Variants in COL6A3 observed in about 807,000 individuals in gnomAD.
The protein encoded by COL6A3 is collagen alpha-3(VI) chain.
Under a neutral mutation model 274.1 loss-of-function variants are expected in COL6A3, and 137 were observed. The ratio of observed to expected loss-of-function variants is 0.50; its 90% CI spans 0.44 to 0.58. The LOEUF is 0.58. COL6A3 is among the 20% of genes least tolerant of loss of function. The pLI, the probability that COL6A3 is intolerant of heterozygous loss-of-function variation, is 0.00. For synonymous variants in COL6A3, 1,650 were observed against 1,650.6 expected (o/e 1.00, Z 0.01); for missense variants, 3,950 against 4,124.9 (o/e 0.96, Z 1.16).
intron 1 of COL6A3, among the ~76,000 whole-genome samples, chr2:237,400,123 G>T (rs2078552737): frequency 6.6e-6 from 1 of 152,146 alleles, no homozygotes; most frequent in African/African-American, 2.4e-5. Flanking sequence ...ATATAATCTA[G>T]GGAGATTGAG....
Position 237,381,335 on chromosome 2 carries a change from C to G in COL6A3, c.1477G>C (p.Val493Leu). 1 of 1,614,232 alleles carries G rather than the reference C, an allele frequency of 6.2e-7. No homozygotes were observed. Among genetic ancestry groups the G allele is most frequent in the Non-Finnish European group, 8.5e-7 (1 of 1,180,048 alleles). Residue 493 changes from valine to leucine, a missense_variant, in exon 5 of 44, where the codon GTG becomes CTG. Transcript: ENST00000295550. Reference protein sequence around the residue: ...QVAVAQYADTVRPEFYFNTHP... With the variant: ...QVAVAQYADTLRPEFYFNTHP... ...GTATTGAAATAAAATTCAGGCCTCA[C>G]AGTGTCTGCATACTGGGCCACTGCC...
chr2:237,335,993 CT>C, intron 40 of COL6A3, 141 bp downstream of exon 40: 2 of 1,073,896 alleles, frequency 1.9e-6, no homozygotes, highest in Admixed American at 2.1e-5. Context: ...TAACCAACAC[CT>C]CTTAAAATAC....
chr2:237,379,070 A>G lies in COL6A3; in HGVS notation c.2063T>C (p.Val688Ala), dbSNP rs1170062048. Residue 688 changes from valine (V) to alanine (A), a missense_variant, in exon 6 of 44, where the codon GTA (valine) becomes GCA (alanine). Val to Ala is a moderately conservative substitution (Grantham distance 64). This residue lies in a region of COL6A3 where 1,934 missense variants were observed against 1,984.3 expected (regional missense o/e 0.97). Transcript: ENST00000295550. ...GTATGTGTTTAAAGAGAACTCCGTT[A>G]CAGGAGTGTCACTAAATTGCACTAA... ...VGLVQFSDTP[V>A]TEFSLNTYQT... 6.2e-7 allele frequency: 1 copy of G among 1,614,256 alleles called. No homozygotes were observed.
rs768371740 is a variant in COL6A3 at position 237,344,746 on chromosome 2, C to T, written c.7272G>A (p.Val2424=). 1.2e-6 allele frequency: 2 copies of T among 1,601,216 alleles called. No individual in the cohort carries two copies. Among genetic ancestry groups the T allele is most frequent in the Non-Finnish European group, 8.5e-7 (1 of 1,174,046 alleles). ...NQDTFGRMRD[V]VLSIVNDLTI... ...TCAGGTCATTCACAATACTCAAGAC[C>T]ACATCTCGCATCCGGCCGAAAGTGT... Residue 2424 remains valine (V), a synonymous_variant, in exon 36 of 44, where the codon GTG becomes GTA. Transcript: ENST00000295550. This position sits in a 1 kb window ranked among gnomAD's most constrained non-coding sequence, Gnocchi z 4.8.
chr2:237,326,742 C>T (rs1699965469), intron 42 of COL6A3: 1 of 152,222 alleles, frequency 6.6e-6, no homozygotes, highest in Admixed American at 6.5e-5. Context: ...TCCTTTGTCC[C>T]CAGCGAGGCA....
rs992011739 is a variant in COL6A3, at chr2:237,374,248, A to T, written c.3679+164T>A. Among the ~76,000 whole-genome samples, 2 of 152,242 alleles carry T rather than the reference A, an allele frequency of 1.3e-5. No individual in the cohort carries two copies. Among genetic ancestry groups the T allele is most frequent in the African/African-American group, 2.4e-5 (1 of 41,456 alleles). On this transcript the variant is annotated intron_variant, in intron 8 of 43. Transcript: ENST00000295550. The surrounding 1 kb of genome is among the most constrained non-coding windows in gnomAD (Gnocchi z 4.8). The stretch of plus-strand genomic sequence containing the variant: ...CCTTGAACCTCTGCCATTTCTGCCC[A>T]TCGAGGCCAAAAAGGGCATGTGGGT...
chr2:237,345,223 C>T lies in COL6A3; in HGVS notation c.7093-10G>A. On this transcript the variant is annotated splice_polypyrimidine_tract_variant and intron_variant, in intron 32 of 43. Coordinates refer to ENST00000295550, the MANE Select transcript of COL6A3 (RefSeq NM_004369.4). ...TGTTGCCCTTGGGACCCTGTAAAAC[C>T]AAGGAACGAAAGGTGAGAGGCACAG... 1 of 1,613,966 alleles carries T rather than the reference C, an allele frequency of 6.2e-7. No individual in the cohort carries two copies. Among genetic ancestry groups the T allele is most frequent in the Non-Finnish European group, 8.5e-7 (1 of 1,179,908 alleles).
Position 237,368,896 on chromosome 2 carries a change from C to G in COL6A3, c.4567G>C (p.Val1523Leu). Residue 1523 changes from valine (V) to leucine (L), a missense_variant, in exon 10 of 44, where the codon GTG (valine) becomes CTG (leucine). Physicochemically the swap from Val to Leu is conservative, Grantham distance 32. Around this residue, in one of 5 missense-constraint regions of COL6A3, gnomAD observed 1,934 missense variants for 1,984.3 expected, o/e 0.97. Transcript: ENST00000295550. The surrounding 1 kb of genome is among the most constrained non-coding windows in gnomAD (Gnocchi z 4.4). ...PLNTGKALEF[V>L]ARNLFVKSAG... ...GACTTAACAAAGAGGTTTCTTGCCA[C>G]AAATTCGAGAGCCTTGCCAGTGTTC... 6.2e-7 allele frequency: 1 copy of G among 1,614,216 alleles called. No homozygotes were observed. The highest frequency in any genetic ancestry group is 1.3e-5 in the African/African-American group (1 of 75,062).
Position 237,412,271 on chromosome 2 carries a change from G to A in COL6A3, c.-31+1682C>T, listed in dbSNP as rs538110454. The stretch of plus-strand genomic sequence containing the variant: ...CCCCAGGAGGTGGCCTGAGCAGGGC[G>A]GCCAGCCCCGGTATTCCGGTCACGG... On this transcript the variant is annotated intron_variant, in intron 1 of 43. Transcript: ENST00000295550. Among the ~76,000 whole-genome samples, 10 of 152,328 alleles carry A rather than the reference G, an allele frequency of 6.6e-5. No individual in the cohort carries two copies. The South Asian group carries it at 1.0e-3, about 16-fold the overall frequency.
At chr2:237,375,132 A>C in intron 7 of COL6A3, 112 bp from the exon 8 acceptor site, 1 of 1,506,662 alleles carries the variant, frequency 6.6e-7, no homozygotes, top group Non-Finnish European at 9.1e-7. Context: ...AAATCCCCGA[A>C]CTTGAGAAAA....
intron 5 of COL6A3, 42 bp downstream of exon 5, chr2:237,380,873 G>A (rs1360483869): frequency 6.3e-7 from 1 of 1,584,466 alleles, no homozygotes; most frequent in East Asian, 2.2e-5. Flanking sequence ...GGCCCTGCCT[G>A]GAGACCACCC....
At chr2:237,345,323 C>T (rs1156255153) in intron 32 of COL6A3, 110 bp from the exon 33 acceptor site, 4 of 1,014,266 alleles carry the variant, frequency 3.9e-6, no homozygotes, top group Non-Finnish European at 1.6e-6. Flanking sequence ...CCCTGGATAA[C>T]CTTGATTGTT....
Position 237,336,160 on chromosome 2 carries a change from G to C in COL6A3, c.8940C>G (p.Thr2980=). ...PRPQAAKPAA[T]KPATTKPMVK... The stretch of plus-strand genomic sequence containing the variant: ...CCATGGGCTTAGTGGTGGCTGGCTT[G>C]GTGGCAGCTGGTTTGGCTGCCTGTG... Residue 2980 remains threonine, a synonymous_variant, in exon 40 of 44, where the codon ACC becomes ACG. Transcript: ENST00000295550. The C allele has an allele frequency of 1.2e-6, 2 of 1,613,430 alleles. No homozygotes were observed.
intron 39 of COL6A3, among the ~76,000 whole-genome samples, chr2:237,337,126 C>A (rs995541518): frequency 1.4e-4 from 22 of 152,150 alleles, no homozygotes; most frequent in Admixed American, 5.2e-4. Context: ...ACAGACATAA[C>A]AACAAGGACC....
chr2:237,349,883 T>C (rs1225024966), intron 28 of COL6A3, among the ~76,000 whole-genome samples: 1 of 152,222 alleles, frequency 6.6e-6, no homozygotes, highest in Non-Finnish European at 1.5e-5. Flanking sequence ...TTAAGCTTCA[T>C]TAGCCTCTAC....
intron 23 of COL6A3, 183 bp downstream of exon 23, chr2:237,357,155 G>A: frequency 2.7e-6 from 2 of 730,630 alleles, no homozygotes; most frequent in Non-Finnish European, 2.5e-6. Flanking sequence ...TGGGGAGAGA[G>A]AAGAGATGAA....
Position 237,407,891 on chromosome 2 carries a change from A to G in COL6A3, c.-31+6062T>C, listed in dbSNP as rs750178987. Among the ~76,000 whole-genome samples the G allele has an allele frequency of 1.3e-5, 2 of 152,190 alleles. No individual in the cohort carries two copies. Among genetic ancestry groups the G allele is most frequent in the Non-Finnish European group, 2.9e-5 (2 of 68,032 alleles). On this transcript the variant is annotated intron_variant, in intron 1 of 43. Coordinates refer to ENST00000295550, the MANE Select transcript of COL6A3 (RefSeq NM_004369.4). The surrounding 1 kb of genome is among the most constrained non-coding windows in gnomAD (Gnocchi z 4.3). ...AGGTGCATTAGAAAATGCTTCAAGA[A>G]ATATTGCACAAATGCCCACTCCATT...
At chr2:237,379,777 G>A (rs187695730) in intron 5 of COL6A3, among the ~76,000 whole-genome samples, 65 of 152,240 alleles carry the variant, frequency 4.3e-4, no homozygotes, top group African/African-American at 1.4e-3. Flanking sequence ...AGACTTCCCC[G>A]TTTGTCATTC....
Position 237,361,688 on chromosome 2 carries a change from C to T in COL6A3, c.6156+51G>A, listed in dbSNP as rs115210747. On this transcript the variant is annotated intron_variant, in intron 15 of 43. Coordinates refer to ENST00000295550, the MANE Select transcript of COL6A3 (RefSeq NM_004369.4). This position sits in a 1 kb window ranked among gnomAD's most constrained non-coding sequence, Gnocchi z 5.1. ...AGAAATTACCCCACCAAAGTAATGT[C>T]GGGCTTCTGACACCTCATCTCAGGC... 1.5e-4 allele frequency: 227 copies of T among 1,477,736 alleles called. No homozygotes were observed. The highest frequency in any genetic ancestry group is 8.6e-4 in the South Asian group (76 of 88,418). The allele number at this position is 1,477,736 out of a possible 1,614,324, so 91.5% of individuals were successfully genotyped here. A position where few individuals can be genotyped will look rare whatever the true frequency, so the allele number is the denominator to read the frequency against.
Sources: gnomAD v4.1 joint callset for allele counts (sites outside exome capture counted in the v4.1 genomes callset) on GRCh38, gnomAD v4.1.1 for gene constraint, gnomAD v4.1.1 regional missense constraint, Gnocchi (gnomAD v3.1) non-coding constraint, MANE v1.5 for transcripts, NCBI Gene and HGNC (gene_info 2026-07-23, HGNC 2026-07-21) for gene names.